The following GPBP1L1 variants were observed in gnomAD, a reference collection of about 807,000 sequenced individuals.
GPBP1L1 encodes GC-rich promoter binding protein 1 like 1.
A neutral mutation model predicts 52.5 loss-of-function variants in GPBP1L1; 23 were observed. The observed-to-expected ratio is 0.44, with a 90% CI of 0.32 to 0.62. GPBP1L1 has a LOEUF of 0.62. Ranked by LOEUF, GPBP1L1 falls within the 20% of genes least tolerant of loss-of-function variation. The pLI is 0.06. For synonymous variants in GPBP1L1, 243 were observed against 203.1 expected, an observed-to-expected ratio of 1.20 and a Z score of -1.67; for missense variants, 596 against 579.3, an observed-to-expected ratio of 1.03 and a Z score of -0.30.
At chr1:45,629,212 A>G (rs1455685465) in intron 12 of GPBP1L1, among the ~76,000 whole-genome samples, 1 of 152,224 alleles carries the variant, frequency 6.6e-6, no homozygotes, top group African/African-American at 2.4e-5. Flanking sequence ...GAGGACCAGG[A>G]AACTACAGTG....
intron 4 of GPBP1L1, among the ~76,000 whole-genome samples, chr1:45,657,504 C>G (rs976716229): frequency 6.6e-6 from 1 of 152,108 alleles, no homozygotes; most frequent in Non-Finnish European, 1.5e-5. Flanking sequence ...CCACTGCACT[C>G]CAGCCTGGGC....
intron 2 of GPBP1L1, among the ~76,000 whole-genome samples, chr1:45,676,331 T>C (rs545893674): frequency 6.6e-6 from 1 of 152,270 alleles, no homozygotes; most frequent in Admixed American, 6.5e-5. Context: ...CTGAGCACAG[T>C]GGCTCATGCC....
intron 10 of GPBP1L1, among the ~76,000 whole-genome samples, chr1:45,633,009 T>C (rs1644549760): frequency 6.6e-6 from 1 of 152,178 alleles, no homozygotes; most frequent in Non-Finnish European, 1.5e-5. Context: ...ACTGATAATA[T>C]CGAATACTGG....
chr1:45,643,660 T>C (rs1644703552), intron 6 of GPBP1L1, among the ~76,000 whole-genome samples: 2 of 43,020 alleles, frequency 4.6e-5, no homozygotes, highest in African/African-American at 8.5e-5. Context: ...GAGAATGGCT[T>C]TTTTTTTTTT....
chr1:45,664,501 G>T (rs1463693744), intron 2 of GPBP1L1, among the ~76,000 whole-genome samples: 1 of 152,008 alleles, frequency 6.6e-6, no homozygotes, highest in African/African-American at 2.4e-5. Context: ...GGGAGGTGGA[G>T]CTTGCCGTGA....
intron 2 of GPBP1L1, among the ~76,000 whole-genome samples, chr1:45,673,551 C>T (rs1473918738): frequency 6.6e-6 from 1 of 152,214 alleles, no homozygotes; most frequent in African/African-American, 2.4e-5. Flanking sequence ...TTGAAAGATA[C>T]ACAACCATGC....
chr1:45,654,937 A>C, intron 5 of GPBP1L1, 108 bp from the exon 6 acceptor site: 3 of 1,140,336 alleles, frequency 2.6e-6, no homozygotes, highest in Non-Finnish European at 3.7e-6. Context: ...TCCACACAAA[A>C]AAAATAAAAA....
At chr1:45,631,552 C>T (rs1352511190) in intron 10 of GPBP1L1, among the ~76,000 whole-genome samples, 2 of 152,056 alleles carry the variant, frequency 1.3e-5, no homozygotes, top group South Asian at 2.1e-4. Flanking sequence ...TTTGAGCCAC[C>T]GTGACTGGCC....
intron 4 of GPBP1L1, among the ~76,000 whole-genome samples, chr1:45,657,255 C>T (rs1256366753): frequency 2.0e-5 from 3 of 151,962 alleles, no homozygotes; most frequent in Non-Finnish European, 4.4e-5. Flanking sequence ...TGTTTAGAGC[C>T]GGGTGTGGTG....
intron 4 of GPBP1L1, among the ~76,000 whole-genome samples, chr1:45,657,250 A>G (rs1490700469): frequency 6.6e-6 from 1 of 152,156 alleles, no homozygotes; most frequent in Non-Finnish European, 1.5e-5. Context: ...AATGATGTTT[A>G]GAGCCGGGTG....
intron 10 of GPBP1L1, among the ~76,000 whole-genome samples, chr1:45,631,454 G>A (rs1644530200): frequency 6.6e-6 from 1 of 152,058 alleles, no homozygotes; most frequent in South Asian, 2.1e-4. Flanking sequence ...GTAGGAACGG[G>A]GTTTCGCCAG....
At chr1:45,632,905 A>G (rs921522993) in intron 10 of GPBP1L1, among the ~76,000 whole-genome samples, 3 of 152,228 alleles carry the variant, frequency 2.0e-5, no homozygotes, top group Non-Finnish European at 4.4e-5. Flanking sequence ...ACACATCAAC[A>G]AAGAAGATAC....
chr1:45,676,719 A>AG (rs1302095027), intron 2 of GPBP1L1, among the ~76,000 whole-genome samples: 2 of 151,078 alleles, frequency 1.3e-5, no homozygotes, highest in Non-Finnish European at 3.0e-5. Context: ...TCAAAAAAAA[A>AG]AAAAAAAAAA....
intron 2 of GPBP1L1, among the ~76,000 whole-genome samples, chr1:45,673,772 T>C (rs946771409): frequency 3.9e-5 from 6 of 152,138 alleles, no homozygotes; most frequent in African/African-American, 1.2e-4. Context: ...TGAGGCAGAA[T>C]TGCTTGAATC....
chr1:45,672,221 C>G (rs575971796), intron 2 of GPBP1L1, among the ~76,000 whole-genome samples: 2 of 151,734 alleles, frequency 1.3e-5, no homozygotes, highest in Non-Finnish European at 2.9e-5. Flanking sequence ...ATTAGCTGGG[C>G]ATGGTGGCCA....
At chr1:45,639,643 G>A (rs1485444653) in intron 8 of GPBP1L1, among the ~76,000 whole-genome samples, 3 of 151,634 alleles carry the variant, frequency 2.0e-5, no homozygotes, top group African/African-American at 4.8e-5. Flanking sequence ...TTGGGAGGCC[G>A]AGGCGGGCGG....
At chr1:45,657,491 G>A (rs914274344) in intron 4 of GPBP1L1, among the ~76,000 whole-genome samples, 5 of 152,050 alleles carry the variant, frequency 3.3e-5, no homozygotes, top group African/African-American at 9.7e-5. Flanking sequence ...AGCCATGATC[G>A]CACCACTGCA....
intron 2 of GPBP1L1, among the ~76,000 whole-genome samples, chr1:45,667,898 T>TG (rs1213989148): frequency 6.6e-6 from 1 of 152,058 alleles, no homozygotes; most frequent in Non-Finnish European, 1.5e-5. Context: ...CAGGCATGTG[T>TG]GACCTGTATT....
chr1:45,681,953 C>T (rs1003653163), intron 2 of GPBP1L1, among the ~76,000 whole-genome samples: 4 of 152,200 alleles, frequency 2.6e-5, no homozygotes, highest in African/African-American at 9.7e-5. Flanking sequence ...ACCGAAATTA[C>T]TTAACTTCTT....
Sources: gnomAD v4.1 joint callset for allele counts (sites outside exome capture counted in the v4.1 genomes callset) on GRCh38, gnomAD v4.1.1 for gene constraint, MANE v1.5 for transcripts, NCBI Gene and HGNC (gene_info 2026-07-23, HGNC 2026-07-21) for gene names.